GFRAL: variants seen among roughly 807,000 people sequenced by gnomAD.
The protein encoded by GFRAL is GDNF family receptor alpha-like.
In GFRAL, 36 loss-of-function variants were observed where a neutral mutation model predicts 45.4. The ratio of observed to expected loss-of-function variants is 0.79; its 90% CI spans 0.61 to 1.05. The LOEUF is 1.05. GFRAL is among the 50% of genes least tolerant of loss of function. GFRAL has a pLI of 0.00. For missense variants in GFRAL, 507 were observed against 467.5 expected (o/e 1.08, Z -0.78); for synonymous variants, 166 against 154.1 (o/e 1.08, Z -0.57).
chr6:55,370,657 A>G (rs1184819970), intron 6 of GFRAL, among the ~76,000 whole-genome samples: 1 of 152,182 alleles, frequency 6.6e-6, no homozygotes, highest in Non-Finnish European at 1.5e-5. Context: ...GAGAGATTAA[A>G]AATTCTCATG....
At chr6:55,373,209 C>A (rs1274804499) in intron 6 of GFRAL, among the ~76,000 whole-genome samples, 1 of 152,044 alleles carries the variant, frequency 6.6e-6, no homozygotes, top group Admixed American at 6.6e-5. Context: ...GTAAGGAGAA[C>A]CTGAATCAGA....
At chr6:55,401,460 G>A (rs959213107) in intron 8 of GFRAL, among the ~76,000 whole-genome samples, 2 of 152,276 alleles carry the variant, frequency 1.3e-5, no homozygotes, top group East Asian at 3.9e-4. Context: ...CCTGTCTTCT[G>A]TAAGGAATAA....
At chr6:55,386,348 G>A (rs1043359383) in intron 6 of GFRAL, among the ~76,000 whole-genome samples, 1 of 151,998 alleles carries the variant, frequency 6.6e-6, no homozygotes, top group African/African-American at 2.4e-5. Context: ...TTTCACCTAA[G>A]GGACATTCAA....
At chr6:55,398,282 A>G (rs1768852516) in intron 6 of GFRAL, among the ~76,000 whole-genome samples, 1 of 152,222 alleles carries the variant, frequency 6.6e-6, no homozygotes, top group Admixed American at 6.5e-5. Context: ...TCAGGTCTCA[A>G]AAATGCAGGA....
At chr6:55,344,888 A>G (rs1468769233) in intron 3 of GFRAL, among the ~76,000 whole-genome samples, 1 of 152,210 alleles carries the variant, frequency 6.6e-6, no homozygotes, top group African/African-American at 2.4e-5. Flanking sequence ...GCATTCCTAT[A>G]CACCAATAAT....
At chr6:55,395,106 G>A (rs2127366633) in intron 6 of GFRAL, among the ~76,000 whole-genome samples, 1 of 147,126 alleles carries the variant, frequency 6.8e-6, no homozygotes, top group Middle Eastern at 3.6e-3. Context: ...CCAAAAGAGT[G>A]TTCTCTTTCT....
intron 6 of GFRAL, among the ~76,000 whole-genome samples, chr6:55,361,047 A>G: frequency 6.6e-6 from 1 of 152,034 alleles, no homozygotes; most frequent in Non-Finnish European, 1.5e-5. Context: ...AGAGCAAAAA[A>G]TTTGCAGAGG....
chr6:55,338,707 G>A lies in GFRAL; in HGVS notation c.316+4763G>A, dbSNP rs184935549. Among the ~76,000 whole-genome samples the A allele has an allele frequency of 2.6e-3, 402 of 152,174 alleles. 5 individuals carry two copies. The highest frequency in any genetic ancestry group is 2.4e-4 in the Non-Finnish European group (16 of 68,002). On this transcript the variant is annotated intron_variant, in intron 3 of 8. Coordinates refer to ENST00000340465, the MANE Select transcript of GFRAL (RefSeq NM_207410.2). ...TTTCATTAGGTAGGCAAAACAAAAT[G>A]GATAATTTAAGCAGAAGAAACAGAA...
At chr6:55,393,303 C>A (rs757352212) in intron 6 of GFRAL, among the ~76,000 whole-genome samples, 5 of 152,174 alleles carry the variant, frequency 3.3e-5, no homozygotes, top group Admixed American at 6.5e-5. Flanking sequence ...TATATTACAT[C>A]TAACCCAAAA....
At chr6:55,327,954 T>G (rs1304050925) in intron 1 of GFRAL, among the ~76,000 whole-genome samples, 4 of 151,996 alleles carry the variant, frequency 2.6e-5, no homozygotes, top group African/African-American at 7.2e-5. Flanking sequence ...ATGAAAAATT[T>G]CAAACTGTTA....
intron 2 of GFRAL, among the ~76,000 whole-genome samples, 181 bp from the exon 3 acceptor site, chr6:55,333,605 T>C (rs1051469044): frequency 1.9e-4 from 29 of 152,146 alleles, no homozygotes; most frequent in African/African-American, 6.8e-4. Context: ...TTATGGAAAA[T>C]ATTCAATGAA....
intron 6 of GFRAL, among the ~76,000 whole-genome samples, chr6:55,384,090 G>A (rs1029244344): frequency 5.9e-5 from 9 of 151,974 alleles, no homozygotes; most frequent in Admixed American, 4.6e-4. Flanking sequence ...CATGGACACA[G>A]GGAGGGGAAC....
intron 8 of GFRAL, among the ~76,000 whole-genome samples, chr6:55,401,254 A>T (rs1339837565): frequency 6.6e-6 from 1 of 152,194 alleles, no homozygotes; most frequent in Non-Finnish European, 1.5e-5. Context: ...GTAATCGGAA[A>T]ACTCCAGGCC....
At chr6:55,369,117 G>C (rs573042633) in intron 6 of GFRAL, among the ~76,000 whole-genome samples, 1 of 151,384 alleles carries the variant, frequency 6.6e-6, no homozygotes, top group African/African-American at 2.4e-5. Context: ...AGGACCCTCC[G>C]AGCCAGGTGC....
intron 6 of GFRAL, among the ~76,000 whole-genome samples, chr6:55,370,378 A>G (rs1181292129): frequency 1.3e-5 from 2 of 152,180 alleles, no homozygotes; most frequent in Non-Finnish European, 2.9e-5. Flanking sequence ...TGAGCATTAT[A>G]TAAATGGAAT....
At chr6:55,350,883 A>T (rs1455209305) in intron 4 of GFRAL, among the ~76,000 whole-genome samples, 6 of 152,140 alleles carry the variant, frequency 3.9e-5, no homozygotes, top group African/African-American at 1.4e-4. Flanking sequence ...ACAGAACAAG[A>T]ATCATTTTGC....
chr6:55,334,693 CA>C, intron 3 of GFRAL, among the ~76,000 whole-genome samples: 1 of 2,582 alleles, frequency 3.9e-4, no homozygotes, highest in African/African-American at 1.3e-3. Context: ...TCTCATCGTC[CA>C]ATCCAACCCA....
intron 6 of GFRAL, among the ~76,000 whole-genome samples, chr6:55,370,647 G>A (rs1768437955): frequency 6.6e-6 from 1 of 152,066 alleles, no homozygotes; most frequent in Non-Finnish European, 1.5e-5. Context: ...GAGAATCATT[G>A]AGAGATTAAA....
At chr6:55,378,250 A>G (rs151110363) in intron 6 of GFRAL, among the ~76,000 whole-genome samples, 246 of 152,192 alleles carry the variant, frequency 1.6e-3, no homozygotes, top group African/African-American at 5.5e-3. Context: ...TAGGCATTCT[A>G]TGAAGAATTT....
Sources: gnomAD v4.1 joint callset for allele counts (sites outside exome capture counted in the v4.1 genomes callset) on GRCh38, gnomAD v4.1.1 for gene constraint, MANE v1.5 for transcripts, NCBI Gene and HGNC (gene_info 2026-07-23, HGNC 2026-07-21) for gene names.